HSD17B2: variants seen among roughly 807,000 people sequenced by gnomAD.
HSD17B2 encodes hydroxysteroid 17-beta dehydrogenase 2.
A neutral mutation model predicts 26.9 loss-of-function variants in HSD17B2; 32 were observed. The observed-to-expected ratio is 1.19, with a 90% CI of 0.90 to 1.60. HSD17B2 has a LOEUF of 1.60. HSD17B2 is among the 40% of genes most tolerant of loss of function. HSD17B2 has a pLI of 0.00. For missense variants in HSD17B2, 613 were observed against 468.6 expected (o/e 1.31, Z -2.85); for synonymous variants, 246 against 186.7 (o/e 1.32, Z -2.59).
intron 3 of HSD17B2, among the ~76,000 whole-genome samples, chr16:82,079,111 T>A (rs1285228942): frequency 4.6e-5 from 7 of 152,210 alleles, no homozygotes; most frequent in Non-Finnish European, 8.8e-5. Context: ...ATGTATTGCA[T>A]GCTTGTATCA....
At chr16:82,051,195 A>G (rs1914095620) in intron 1 of HSD17B2, among the ~76,000 whole-genome samples, 1 of 152,188 alleles carries the variant, frequency 6.6e-6, no homozygotes, top group South Asian at 2.1e-4. Flanking sequence ...GACTATCTTG[A>G]CTATTTCATT....
intron 2 of HSD17B2, among the ~76,000 whole-genome samples, chr16:82,070,619 G>A (rs1226043477): frequency 6.6e-6 from 1 of 152,236 alleles, no homozygotes; most frequent in Non-Finnish European, 1.5e-5. Context: ...ACCTTAACAA[G>A]GACTAGAGGT....
At chr16:82,083,422 G>C (rs1904434803) in intron 3 of HSD17B2, among the ~76,000 whole-genome samples, 1 of 152,172 alleles carries the variant, frequency 6.6e-6, no homozygotes, top group African/African-American at 2.4e-5. Flanking sequence ...CTCTACCAAT[G>C]ACAACTGCGT....
chr16:82,072,951 G>A (rs1270323362), intron 3 of HSD17B2, among the ~76,000 whole-genome samples: 37 of 152,132 alleles, frequency 2.4e-4, no homozygotes, highest in Non-Finnish European at 7.4e-5. Context: ...TGTAGTCCCA[G>A]CTACTCAGGA....
chr16:82,082,041 A>G (rs1409092535), intron 3 of HSD17B2, among the ~76,000 whole-genome samples: 1 of 152,226 alleles, frequency 6.6e-6, no homozygotes, highest in African/African-American at 2.4e-5. Flanking sequence ...TGGGAGCTGA[A>G]CAATAAGAGC....
chr16:82,091,805 G>C (rs985573259), intron 4 of HSD17B2: 1 of 152,260 alleles, frequency 6.6e-6, no homozygotes, highest in Admixed American at 6.6e-5. Flanking sequence ...CCTCTTCTAA[G>C]TGCCATGCTC....
At chr16:82,069,695 TGC>T (rs1555532485) in intron 2 of HSD17B2, among the ~76,000 whole-genome samples, 1 of 152,214 alleles carries the variant, frequency 6.6e-6, no homozygotes, top group Non-Finnish European at 1.5e-5. Context: ...TCAATCCAAC[TGC>T]ACATTAGAAT....
chr16:82,098,244 CATCCAGCATGCT>C lies in HSD17B2; in HGVS notation c.976_987del (p.Gln326_Ile329del). 1 of 1,614,242 alleles carries C rather than the reference CATCCAGCATGCT, an allele frequency of 6.2e-7. No homozygotes were observed. Among genetic ancestry groups the C allele is most frequent in the Non-Finnish European group, 8.5e-7 (1 of 1,180,030 alleles). Reference sequence around the variant, plus strand: ...AGGACTTCTCTCCGGTGCTGCGGGACATCCAGCATGCTATCTTGGCGAAGAGCCCTTTTGCCT... The same window carrying C: ...AGGACTTCTCTCCGGTGCTGCGGGACATCTTGGCGAAGAGCCCTTTTGCCT... On this transcript the variant is annotated inframe_deletion, in exon 5 of 5. Coordinates refer to ENST00000199936, the MANE Select transcript of HSD17B2 (RefSeq NM_002153.3).
chr16:82,079,182 T>G (rs1008904052), intron 3 of HSD17B2, among the ~76,000 whole-genome samples: 2 of 151,922 alleles, frequency 1.3e-5, no homozygotes, highest in African/African-American at 4.8e-5. Flanking sequence ...ATATTAAACA[T>G]TAAAAAAAAA....
At chr16:82,095,889 G>A (rs2142370255) in intron 4 of HSD17B2, 1 of 152,272 alleles carries the variant, frequency 6.6e-6, no homozygotes, top group South Asian at 2.1e-4. Flanking sequence ...CTATGTGTAT[G>A]TATGTTTGTA....
chr16:82,090,299 A>ATTTTTTTTTTTTTTTTTTTTTTT (rs1904646987), intron 3 of HSD17B2: 1 of 63,378 alleles, frequency 1.6e-5, no homozygotes, highest in African/African-American at 9.5e-5. Context: ...CCTAAACTAC[A>ATTTTTTTTTTTTTTTTTTTTTTT]TTGTTTTTTT....
At chr16:82,093,949 A>T (rs1835772046) in intron 4 of HSD17B2, 1 of 152,160 alleles carries the variant, frequency 6.6e-6, no homozygotes, top group Non-Finnish European at 1.5e-5. Context: ...GGCATTTATA[A>T]ACTGTCCTGG....
At chr16:82,072,177 G>C (rs1402621685) in intron 3 of HSD17B2, among the ~76,000 whole-genome samples, 1 of 152,014 alleles carries the variant, frequency 6.6e-6, no homozygotes, top group Non-Finnish European at 1.5e-5. Flanking sequence ...CTAGAGTCTT[G>C]GTTGGCCTGA....
chr16:82,084,486 T>G (rs954987657), intron 3 of HSD17B2, among the ~76,000 whole-genome samples: 1 of 152,164 alleles, frequency 6.6e-6, no homozygotes, highest in Non-Finnish European at 1.5e-5. Flanking sequence ...AATATCCAAG[T>G]AAAAGGGACC....
intron 3 of HSD17B2, among the ~76,000 whole-genome samples, chr16:82,086,413 A>C (rs1790976909): frequency 6.6e-6 from 1 of 152,180 alleles, no homozygotes; most frequent in Non-Finnish European, 1.5e-5. Flanking sequence ...TAAGCTTCAG[A>C]ATGGTAACTT....
At chr16:82,035,746 T>C (rs1339834740) in intron 1 of HSD17B2, 57 bp downstream of exon 1, 10 of 1,542,896 alleles carry the variant, frequency 6.5e-6, no homozygotes, top group Non-Finnish European at 8.8e-6. Context: ...TTGCTTTGCC[T>C]TAGCAGGACT....
At chr16:82,095,775 G>A (rs142123243) in intron 4 of HSD17B2, 2 of 152,276 alleles carry the variant, frequency 1.3e-5, no homozygotes, top group African/African-American at 4.8e-5. Context: ...GGAGGTCTGT[G>A]ATTTATTACT....
intron 4 of HSD17B2, chr16:82,097,343 A>G (rs561727220): frequency 3.2e-4 from 31 of 98,194 alleles, no homozygotes; most frequent in African/African-American, 1.0e-3. Flanking sequence ...TACACATTAT[A>G]TATGTGTACA....
rs369179244 is a variant in HSD17B2 at position 82,035,499 on chromosome 16, C to G, written c.75C>G (p.Cys25Trp). 1.9e-6 allele frequency: 3 copies of G among 1,613,942 alleles called. No individual in the cohort carries two copies. Among genetic ancestry groups the G allele is most frequent in the Non-Finnish European group, 2.5e-6 (3 of 1,179,994 alleles). ...VPTVLCGTVF[C>W]KYKKSSGQLW... ...CAGTACTATGTGGGACAGTATTTTG[C>G]AAATACAAGAAGAGCTCAGGGCAGC... is the stretch of plus-strand genomic sequence containing the variant. Residue 25 changes from cysteine to tryptophan, a missense_variant, in exon 1 of 5, where the codon TGC becomes TGG. Transcript: ENST00000199936.
Sources: gnomAD v4.1 joint callset for allele counts (sites outside exome capture counted in the v4.1 genomes callset) on GRCh38, gnomAD v4.1.1 for gene constraint, MANE v1.5 for transcripts, NCBI Gene and HGNC (gene_info 2026-07-23, HGNC 2026-07-21) for gene names.